Variants in CD300LF observed in about 807,000 individuals in gnomAD.
The protein encoded by CD300LF is CD300 molecule like family member f.
In CD300LF, 27 loss-of-function variants were observed where a neutral mutation model predicts 32.2. The ratio of observed to expected loss-of-function variants is 0.84; its 90% CI spans 0.62 to 1.15. The LOEUF is 1.15. CD300LF is among the 50% of genes most tolerant of loss of function. The pLI is 0.00. For synonymous variants in CD300LF, 139 were observed against 143.2 expected (o/e 0.97, Z 0.21); for missense variants, 348 against 356.8 (o/e 0.98, Z 0.20).
intron 1 of CD300LF, among the ~76,000 whole-genome samples, chr17:74,706,976 C>T (rs2033574139): frequency 6.6e-6 from 1 of 152,146 alleles, no homozygotes; most frequent in African/African-American, 2.4e-5. Context: ...ACAACATATA[C>T]AAAAATCAAC....
At chr17:74,708,289 G>T (rs896448337) in intron 1 of CD300LF, among the ~76,000 whole-genome samples, 3 of 151,854 alleles carry the variant, frequency 2.0e-5, no homozygotes, top group Non-Finnish European at 4.4e-5. Flanking sequence ...TAAAACTTCC[G>T]CCAGAATAAA....
At chr17:74,695,632 A>T in intron 6 of CD300LF, 93 bp downstream of exon 6, 1 of 1,569,792 alleles carries the variant, frequency 6.4e-7, no homozygotes, top group Non-Finnish European at 8.7e-7. Context: ...CTATGCCCAC[A>T]TGAGCAGGAG....
intron 1 of CD300LF, among the ~76,000 whole-genome samples, chr17:74,708,147 C>CAA (rs373733638): frequency 6.2e-5 from 5 of 81,298 alleles, no homozygotes; most frequent in African/African-American, 3.1e-4. Context: ...GACTCCATCT[C>CAA]AAAAAAAAAA....
intron 3 of CD300LF, among the ~76,000 whole-genome samples, chr17:74,702,610 A>C (rs1349518258): frequency 6.6e-6 from 1 of 152,158 alleles, no homozygotes; most frequent in Non-Finnish European, 1.5e-5. Flanking sequence ...GTCCTCCCAG[A>C]AGTTGAACCA....
At chr17:74,697,270 G>C (rs2032582049) in intron 4 of CD300LF, among the ~76,000 whole-genome samples, 1 of 152,030 alleles carries the variant, frequency 6.6e-6, no homozygotes, top group Non-Finnish European at 1.5e-5. Flanking sequence ...TTTCCACTGG[G>C]ACCGATTTTC....
chr17:74,703,109 A>C lies in CD300LF; in HGVS notation c.383-11T>G. The C allele has an allele frequency of 6.2e-7, 1 of 1,613,866 alleles. No homozygotes were observed. The highest frequency in any genetic ancestry group is 8.5e-7 in the Non-Finnish European group (1 of 1,179,888). On this transcript the variant is annotated splice_polypyrimidine_tract_variant and intron_variant, in intron 2 of 6. Transcript: ENST00000326165. ...CTTGGGTGACTGGTGCTGTAAACGT[A>C]GTGGAGGTAGGCGTGGTGGGGGCAG...
intron 5 of CD300LF, 36 bp from the exon 6 acceptor site, chr17:74,695,895 T>G (rs778434603): frequency 6.2e-7 from 1 of 1,601,124 alleles, no homozygotes; most frequent in African/African-American, 1.3e-5. Context: ...AGTCACAAGA[T>G]CTGTCTGTGG....
rs533520861 is a variant in CD300LF, at chr17:74,704,541, A to G, written c.319T>C (p.Trp107Arg). ...TTTCCAGTTTTCTCAATTCCACACC[A>G]GTAAGTGTCAGCATCAGTTTTCATG... is the stretch of plus-strand genomic sequence containing the variant. Reference protein sequence around the residue: ...DLMKTDADTYWCGIEKTGNDL... With the variant: ...DLMKTDADTYRCGIEKTGNDL... Residue 107 changes from tryptophan (W) to arginine (R), a missense_variant, in exon 2 of 7, where the codon TGG becomes CGG. Coordinates refer to ENST00000326165, the MANE Select transcript of CD300LF (RefSeq NM_139018.5). 7 of 1,614,154 alleles carry G rather than the reference A, an allele frequency of 4.3e-6. No homozygotes were observed. The South Asian group carries it at 6.6e-5, about 15-fold the overall frequency.
In CD300LF at chr17:74,696,197, G is replaced by A. The variant is rs138965736; in HGVS notation, c.580C>T (p.Gln194Ter). 1 of 1,607,058 alleles carries A rather than the reference G, an allele frequency of 6.2e-7. No individual in the cohort carries two copies. Among genetic ancestry groups the A allele is most frequent in the South Asian group, 1.1e-5 (1 of 90,134 alleles). The change falls in exon 5 of 7, where the codon CAG (glutamine) becomes TAG (stop). Residue 194 changes from glutamine (Q) to a stop codon, truncating the protein, a stop_gained and splice_region_variant. Transcript: ENST00000326165. LOFTEE classifies it high-confidence loss of function. ...TCCGACCTTGGGGGCTATCTTACCT[G>A]CTCTGGGGACATCCCGGCTGCTAAA... is the stretch of plus-strand genomic sequence containing the variant. ...QQKAAGMSPEQVLQPLEGDLC... is the reference protein window; with the variant it reads ...QQKAAGMSPE
intron 1 of CD300LF, among the ~76,000 whole-genome samples, chr17:74,707,777 A>G (rs2033635173): frequency 6.6e-6 from 1 of 152,178 alleles, no homozygotes; most frequent in Admixed American, 6.5e-5. Context: ...TTAAAAAGTT[A>G]ATAAACCATG....
intron 4 of CD300LF, among the ~76,000 whole-genome samples, chr17:74,698,038 T>C (rs1358827872): frequency 6.6e-6 from 1 of 152,116 alleles, no homozygotes; most frequent in Non-Finnish European, 1.5e-5. Flanking sequence ...TAGCGTCTAG[T>C]CTAGACACCC....
rs374219095 is a variant in CD300LF at position 74,704,697 on chromosome 17, G to C, written c.163C>G (p.Arg55Gly). The C allele has an allele frequency of 9.3e-6, 15 of 1,613,952 alleles. No homozygotes were observed. The highest frequency in any genetic ancestry group is 1.3e-5 in the Non-Finnish European group (15 of 1,180,038). ...GWETYLKWWCRGAIWRDCKIL... is the reference protein window; with the variant it reads ...GWETYLKWWCGGAIWRDCKIL... ...TTGCAGTCACGCCAAATAGCTCCTCGACACCACCACTTCAAGTAGGTCTCC... is the reference window on the plus strand; with the variant it reads ...TTGCAGTCACGCCAAATAGCTCCTCCACACCACCACTTCAAGTAGGTCTCC... The change falls in exon 2 of 7, where the codon CGA (arginine) becomes GGA (glycine). Residue 55 changes from arginine to glycine, a missense_variant. Transcript: ENST00000326165.
intron 1 of CD300LF, among the ~76,000 whole-genome samples, chr17:74,709,428 C>T (rs1323219070): frequency 6.6e-6 from 1 of 152,178 alleles, no homozygotes; most frequent in Non-Finnish European, 1.5e-5. Flanking sequence ...GCAAGCACCA[C>T]ACTTAGTGCG....
chr17:74,707,009 G>T (rs987959737), intron 1 of CD300LF, among the ~76,000 whole-genome samples: 2 of 152,214 alleles, frequency 1.3e-5, no homozygotes, highest in Non-Finnish European at 2.9e-5. Flanking sequence ...AGATGTAAAT[G>T]TAAGACCTGA....
Position 74,695,083 on chromosome 17 carries a change from C to G in CD300LF, c.*13G>C, listed in dbSNP as rs773262236. The G allele has an allele frequency of 1.9e-6, 3 of 1,609,214 alleles. No individual in the cohort carries two copies. The highest frequency in any genetic ancestry group is 2.7e-5 in the African/African-American group (2 of 74,654). On this transcript the variant is annotated 3_prime_UTR_variant, in exon 7 of 7. Transcript: ENST00000326165. ...TCACAGCCTGGGGTCCAAGAAGGAG[C>G]CTGGAGTGCAGGCTAAGGCCTGCTG...
chr17:74,700,141 CAATAAATAAATA>C (rs77860062), intron 3 of CD300LF, among the ~76,000 whole-genome samples: 2 of 147,722 alleles, frequency 1.4e-5, no homozygotes, highest in African/African-American at 2.5e-5. Context: ...GACCCTGTCT[CAATAAATAAATA>C]AATAAATAAA....
At chr17:74,696,902 T>TGG (rs1207656551) in intron 4 of CD300LF, among the ~76,000 whole-genome samples, 2 of 137,164 alleles carry the variant, frequency 1.5e-5, no homozygotes, top group Admixed American at 7.4e-5. Context: ...GGGACCGATT[T>TGG]TGTTTGGTTT....
At chr17:74,702,805 C>T (rs2033176352) in intron 3 of CD300LF, among the ~76,000 whole-genome samples, 3 of 152,120 alleles carry the variant, frequency 2.0e-5, no homozygotes, top group Admixed American at 6.5e-5. Flanking sequence ...GTGGGGCGAA[C>T]GAATGAATGA....
rs2143778792 is a variant in CD300LF, at chr17:74,704,644, C to G, written c.216G>C (p.Glu72Asp). 1.2e-6 allele frequency: 2 copies of G among 1,614,220 alleles called. No homozygotes were observed. The highest frequency in any genetic ancestry group is 2.2e-5 in the East Asian group (1 of 44,888). Residue 72 changes from glutamate to aspartate, a missense_variant, in exon 2 of 7, where the codon GAG becomes GAC. Transcript: ENST00000326165. ...CKILVKTSGS[E>D]QEVKRDRVSI... Reference sequence around the variant, plus strand: ...ACACCCGGTCCCTCTTCACCTCCTGCTCTGACCCACTGGTTTTAACAAGGA... The same window carrying G: ...ACACCCGGTCCCTCTTCACCTCCTGGTCTGACCCACTGGTTTTAACAAGGA...
Sources: allele counts gnomAD v4.1 joint callset (sites outside exome capture counted in the v4.1 genomes callset), GRCh38; gene constraint gnomAD v4.1.1; transcripts MANE v1.5; gene names NCBI Gene and HGNC (gene_info 2026-07-23, HGNC 2026-07-21).